TOLLIP: variants seen among roughly 807,000 people sequenced by gnomAD.
TOLLIP encodes the protein toll interacting protein, also known as toll-interacting protein.
A neutral mutation model predicts 33.5 loss-of-function variants in TOLLIP; 16 were observed. The observed-to-expected ratio is 0.48, with a 90% CI of 0.32 to 0.72. The LOEUF (loss-of-function observed/expected upper bound fraction) is 0.72. Ranked by LOEUF, TOLLIP falls within the 30% of genes least tolerant of loss-of-function variation. The pLI, the probability that TOLLIP is intolerant of heterozygous loss-of-function variation, is 0.03. For synonymous variants in TOLLIP, 176 were observed against 163.7 expected (o/e 1.07, Z -0.57); for missense variants, 325 against 396.6 (o/e 0.82, Z 1.53).
Position 1,309,578 on chromosome 11 carries a change from G to A in TOLLIP, c.-80C>T, listed in dbSNP as rs1864533950. 2 of 768,264 alleles carry A rather than the reference G, an allele frequency of 2.6e-6. No homozygotes were observed. Among genetic ancestry groups the A allele is most frequent in the Non-Finnish European group, 3.6e-6 (2 of 562,428 alleles). The allele number at this position is 768,264 out of a possible 1,614,324, so 47.6% of individuals were successfully genotyped here. A position where few individuals can be genotyped will look rare whatever the true frequency, so the allele number is the denominator to read the frequency against. ...CTCCTGCGCCCCCGCCGGAGCCTGC[G>A]ACGGAGACAGTTGTCACCTCGAGGC... On this transcript the variant is annotated 5_prime_UTR_variant, in exon 1 of 6. Coordinates refer to ENST00000317204, the MANE Select transcript of TOLLIP (RefSeq NM_019009.4).
At chr11:1,309,213 G>A (rs1215524578) in intron 1 of TOLLIP, among the ~76,000 whole-genome samples, 1 of 152,142 alleles carries the variant, frequency 6.6e-6, no homozygotes, top group African/African-American at 2.4e-5. Context: ...CCTCCCCCGG[G>A]GCTGCCTCCC....
intron 1 of TOLLIP, among the ~76,000 whole-genome samples, chr11:1,308,733 G>C (rs1590234853): frequency 6.6e-6 from 1 of 152,238 alleles, no homozygotes; most frequent in Admixed American, 6.5e-5. Flanking sequence ...GCCACTAACC[G>C]GGGACACAAT....
intron 2 of TOLLIP, among the ~76,000 whole-genome samples, chr11:1,293,217 G>A (rs1199795320): frequency 6.6e-6 from 1 of 152,130 alleles, no homozygotes; most frequent in Admixed American, 6.5e-5. Flanking sequence ...CGGGGGAGAA[G>A]CCGGGAGGGT....
chr11:1,306,786 C>T (rs575481291), intron 1 of TOLLIP, among the ~76,000 whole-genome samples: 1 of 152,198 alleles, frequency 6.6e-6, no homozygotes, highest in South Asian at 2.1e-4. Flanking sequence ...CAGGACCCTC[C>T]GGCGGCCTCC....
intron 1 of TOLLIP, among the ~76,000 whole-genome samples, chr11:1,298,905 C>A (rs1299263048): frequency 6.6e-6 from 1 of 152,212 alleles, no homozygotes; most frequent in East Asian, 1.9e-4. Flanking sequence ...CGTCAAGGTC[C>A]CAAAAACACA....
At chr11:1,288,841 C>T in intron 3 of TOLLIP, 65 bp from the exon 4 acceptor site, 1 of 1,555,994 alleles carries the variant, frequency 6.4e-7, no homozygotes, top group Non-Finnish European at 8.7e-7. Flanking sequence ...CCTGCAGCCG[C>T]ACCATCGTGG....
rs759488068 is a variant in TOLLIP at position 1,277,210 on chromosome 11, C to A, written c.654G>T (p.Leu218=). The change falls in exon 6 of 6, where the codon CTG becomes CTT. Residue 218 remains leucine (L), a synonymous_variant. Transcript: ENST00000317204. This position sits in a 1 kb window ranked among gnomAD's most constrained non-coding sequence, Gnocchi z 4.2. ...GCTGGGCGTTCACGGCGGCCGGGGG[C>A]AGGGCCACGGGCACCATGCCGGGGC... The part of the protein sequence containing the change: ...VCSPGMVPVA[L]PPAAVNAQPR... 6.3e-7 allele frequency: 1 copy of A among 1,593,538 alleles called. No homozygotes were observed.
intron 1 of TOLLIP, among the ~76,000 whole-genome samples, chr11:1,297,069 G>A (rs574143830): frequency 6.6e-6 from 1 of 152,194 alleles, no homozygotes; most frequent in Admixed American, 6.5e-5. Flanking sequence ...CGTCTGCAGG[G>A]GCCCCGGTCA....
Position 1,291,451 on chromosome 11 carries a change from G to A in TOLLIP, c.184-1042C>T, listed in dbSNP as rs1320442159. On this transcript the variant is annotated intron_variant, in intron 2 of 5. Coordinates refer to ENST00000317204, the MANE Select transcript of TOLLIP (RefSeq NM_019009.4). ...GAACAGAGTCCAGACACTGCCCCCC[G>A]ACCCCCTCTGAGGGAACGGCCAACC... Among the ~76,000 whole-genome samples the A allele has an allele frequency of 1.3e-4, 9 of 71,646 alleles. No homozygotes were observed. The East Asian group carries it at 1.6e-3, about 13-fold the overall frequency. 47.0% of individuals were successfully genotyped at this position (71,646 alleles called of 152,430 possible).
chr11:1,287,437 GCCTCCCCGCCGCAC>G (rs1564969481), intron 4 of TOLLIP, among the ~76,000 whole-genome samples: 10 of 22,154 alleles, frequency 4.5e-4, no homozygotes, highest in African/African-American at 1.1e-3. Context: ...CCCCGCCGCA[GCCTCCCCGCCGCAC>G]CCTCCCCGCC....
At chr11:1,299,549 AG>A (rs1378570932) in intron 1 of TOLLIP, among the ~76,000 whole-genome samples, 1 of 152,224 alleles carries the variant, frequency 6.6e-6, no homozygotes, top group Non-Finnish European at 1.5e-5. Context: ...ATGATGATGG[AG>A]GAACTATTTC....
At position 1,274,421 on chromosome 11, in the gene TOLLIP, A is replaced by G. The variant is rs903443060; in HGVS notation, c.*2618T>C. 1 of 152,256 alleles carries G rather than the reference A, an allele frequency of 6.6e-6. No homozygotes were observed. The highest frequency in any genetic ancestry group is 2.4e-5 in the African/African-American group (1 of 41,468). 9.4% of individuals were successfully genotyped at this position (152,256 alleles called of 1,614,324 possible). On this transcript the variant is annotated 3_prime_UTR_variant, in exon 6 of 6. Transcript: ENST00000317204. ...TTCTCTATTTTTATATGGATCATTT[A>G]TTAAATTAGAAGACTAAAAAGTAAA...
intron 1 of TOLLIP, among the ~76,000 whole-genome samples, chr11:1,299,006 C>T (rs12279847): frequency 2.6e-4 from 39 of 152,294 alleles, no homozygotes; most frequent in African/African-American, 9.1e-4. Flanking sequence ...GGACAGTCAT[C>T]GAAAAACCAG....
intron 3 of TOLLIP, among the ~76,000 whole-genome samples, chr11:1,289,481 G>A (rs929528732): frequency 6.6e-6 from 1 of 152,240 alleles, no homozygotes; most frequent in Non-Finnish European, 1.5e-5. Flanking sequence ...GTGCAGCCAC[G>A]GACGGGACTC....
chr11:1,293,475 G>A (rs1864017381), intron 2 of TOLLIP, among the ~76,000 whole-genome samples: 1 of 152,236 alleles, frequency 6.6e-6, no homozygotes, highest in Non-Finnish European at 1.5e-5. Context: ...AGACAACAAG[G>A]GGAAGCAGCG....
rs573118283 is a variant in TOLLIP at position 1,303,149 on chromosome 11, A to G, written c.33+6317T>C. On this transcript the variant is annotated intron_variant, in intron 1 of 5. Coordinates refer to ENST00000317204, the MANE Select transcript of TOLLIP (RefSeq NM_019009.4). This position sits in a 1 kb window ranked among gnomAD's most constrained non-coding sequence, Gnocchi z 4.2. ...GAAGAGTACAGGACAGAATGAGAAT[A>G]AGCATAGATTATAAAAGCTGACTAC... Among the ~76,000 whole-genome samples the G allele has an allele frequency of 3.9e-5, 6 of 152,310 alleles. No individual in the cohort carries two copies. In the South Asian group the frequency reaches 1.2e-3, roughly 32 times the overall value.
intron 2 of TOLLIP, 47 bp downstream of exon 2, chr11:1,295,598 C>G (rs774847653): frequency 6.9e-7 from 1 of 1,455,802 alleles, no homozygotes; most frequent in Non-Finnish European, 9.2e-7. Flanking sequence ...CCCACCCCCA[C>G]CGAGCGCACC....
At position 1,274,556 on chromosome 11, in the gene TOLLIP, G is replaced by A. The variant is rs2133868102; in HGVS notation, c.*2483C>T. 6.6e-6 allele frequency: 1 copy of A among 152,324 alleles called. No homozygotes were observed. Among genetic ancestry groups the A allele is most frequent in the African/African-American group, 2.4e-5 (1 of 41,568 alleles). 9.4% of individuals were successfully genotyped at this position (152,324 alleles called of 1,614,324 possible). A position where few individuals can be genotyped will look rare whatever the true frequency, so the allele number is the denominator to read the frequency against. On this transcript the variant is annotated 3_prime_UTR_variant, in exon 6 of 6. Coordinates refer to ENST00000317204, the MANE Select transcript of TOLLIP (RefSeq NM_019009.4). ...TGGCACCCTGCAGGGTAGCGCCCAG[G>A]GAGCATCTGCAGAGGGGAGAGGAGA...
chr11:1,297,461 C>T (rs1413293771), intron 1 of TOLLIP, among the ~76,000 whole-genome samples: 2 of 152,236 alleles, frequency 1.3e-5, no homozygotes, highest in African/African-American at 2.4e-5. Flanking sequence ...CAGTTACGGA[C>T]TCAGGACCCC....
Sources: gnomAD v4.1 joint callset for allele counts (sites outside exome capture counted in the v4.1 genomes callset) on GRCh38, gnomAD v4.1.1 for gene constraint, Gnocchi (gnomAD v3.1) non-coding constraint, MANE v1.5 for transcripts, NCBI Gene and HGNC (gene_info 2026-07-23, HGNC 2026-07-21) for gene names.